CACNA2D1: variants seen among roughly 807,000 people sequenced by gnomAD.
The protein encoded by CACNA2D1 is calcium voltage-gated channel auxiliary subunit alpha2delta 1.
Under a neutral mutation model 171.5 loss-of-function variants are expected in CACNA2D1, and 53 were observed. The observed-to-expected ratio is 0.31, with a 90% CI of 0.25 to 0.39. CACNA2D1 has a LOEUF of 0.39. Ranked by LOEUF, CACNA2D1 falls within the 10% of genes least tolerant of loss-of-function variation. The probability of loss-of-function intolerance (pLI) is 1.00; values close to 1 mark genes in which losing one functional copy is unlikely to be tolerated. For synonymous variants in CACNA2D1, 442 were observed against 443.1 expected, an observed-to-expected ratio of 1.00 and a Z score of 0.03; for missense variants, 903 against 1,299.8, an observed-to-expected ratio of 0.69 and a Z score of 4.69.
At chr7:82,401,112 T>C (rs1269238269) in intron 1 of CACNA2D1, among the ~76,000 whole-genome samples, 1 of 152,168 alleles carries the variant, frequency 6.6e-6, no homozygotes, top group African/African-American at 2.4e-5. Flanking sequence ...TTGGTGGGAC[T>C]GTAAACTAGT....
chr7:82,250,732 A>C (rs898691174), intron 3 of CACNA2D1, among the ~76,000 whole-genome samples: 1 of 152,186 alleles, frequency 6.6e-6, no homozygotes, highest in African/African-American at 2.4e-5. Context: ...TCTTCCAAGA[A>C]ATTAAATAAT....
intron 3 of CACNA2D1, among the ~76,000 whole-genome samples, chr7:82,228,536 T>TA (rs11415340): frequency 0.33 from 49,778 of 152,044 alleles, 9,699 homozygotes; most frequent in East Asian, 0.52. Context: ...TTTTAGTTCT[T>TA]AGAGATTTCT....
chr7:82,395,152 T>C (rs1724653354), intron 1 of CACNA2D1, among the ~76,000 whole-genome samples: 1 of 152,128 alleles, frequency 6.6e-6, no homozygotes, highest in South Asian at 2.1e-4. Context: ...CAAATGCCTG[T>C]TATATGTTGA....
At chr7:82,310,721 G>C (rs1201709434) in intron 3 of CACNA2D1, among the ~76,000 whole-genome samples, 2 of 151,986 alleles carry the variant, frequency 1.3e-5, no homozygotes, top group African/African-American at 2.4e-5. Flanking sequence ...TAAATATTTG[G>C]AAAGTTTGAG....
intron 1 of CACNA2D1, among the ~76,000 whole-genome samples, chr7:82,374,016 C>T (rs1690854237): frequency 6.6e-6 from 1 of 152,230 alleles, no homozygotes; most frequent in Admixed American, 6.5e-5. Flanking sequence ...CATGGGAAGG[C>T]TTCCTTCTGT....
chr7:82,090,025 T>C (rs1324218423), intron 6 of CACNA2D1, among the ~76,000 whole-genome samples: 2 of 152,206 alleles, frequency 1.3e-5, no homozygotes, highest in African/African-American at 2.4e-5. Flanking sequence ...GTATAAAGTA[T>C]GAAATGTGAT....
chr7:82,433,207 AACG>A (rs1829855415), intron 1 of CACNA2D1, among the ~76,000 whole-genome samples: 1 of 152,036 alleles, frequency 6.6e-6, no homozygotes, highest in African/African-American at 2.4e-5. Flanking sequence ...AAAAAATTCT[AACG>A]ACATGTTATA....
rs531686037 is a variant in CACNA2D1 at position 82,411,797 on chromosome 7, A to G, written c.95+31568T>C. Among the ~76,000 whole-genome samples the G allele has an allele frequency of 2.6e-5, 4 of 152,140 alleles. No individual in the cohort carries two copies. In the East Asian group the frequency reaches 7.7e-4, roughly 29 times the overall value. On this transcript the variant is annotated intron_variant, in intron 1 of 38. Transcript: ENST00000356860. ...TTCTCGCAATAGGCATGCACAGGAC[A>G]TGTCTAAATTTGCTGAGAAGTAAAA...
At chr7:82,265,173 T>A (rs1807663714) in intron 3 of CACNA2D1, among the ~76,000 whole-genome samples, 1 of 152,188 alleles carries the variant, frequency 6.6e-6, no homozygotes, top group African/African-American at 2.4e-5. Context: ...AGGCGATACA[T>A]GGCTGAATGA....
intron 24 of CACNA2D1, among the ~76,000 whole-genome samples, chr7:81,978,316 A>T (rs1418296426): frequency 6.6e-6 from 1 of 152,212 alleles, no homozygotes; most frequent in Admixed American, 6.5e-5. Context: ...TCAGAACAGC[A>T]AAGACTTGGA....
At chr7:82,263,646 G>T (rs40634) in intron 3 of CACNA2D1, among the ~76,000 whole-genome samples, 45,659 of 151,988 alleles carry the variant, frequency 0.3, 7,464 homozygotes, top group Non-Finnish European at 0.36. Flanking sequence ...ACTTAAAAGA[G>T]ACATTAAAAT....
chr7:82,347,450 A>C (rs1819375758), intron 2 of CACNA2D1, among the ~76,000 whole-genome samples: 1 of 152,150 alleles, frequency 6.6e-6, no homozygotes, highest in Admixed American at 6.5e-5. Context: ...TGTAATTTGT[A>C]ATTTGAAGAA....
rs1303981885 is a variant in CACNA2D1 at position 82,362,220 on chromosome 7, G to C, written c.96-12571C>G. On this transcript the variant is annotated intron_variant, in intron 1 of 38. Coordinates refer to ENST00000356860, the MANE Select transcript of CACNA2D1 (RefSeq NM_000722.4). ...TCAACATTCCAAATGAATTGTTGCA[G>C]TCTCCCAATTTTTTTGTCATTATTA... 2.0e-5 allele frequency among the ~76,000 whole-genome samples: 3 copies of C among 152,144 alleles called. No homozygotes were observed. The East Asian group carries it at 5.8e-4, about 29-fold the overall frequency.
At chr7:81,997,303 G>A in intron 18 of CACNA2D1, 53 bp from the exon 19 acceptor site, 1 of 1,143,392 alleles carries the variant, frequency 8.7e-7, no homozygotes, top group Non-Finnish European at 1.3e-6. Context: ...CAATGATGCT[G>A]TGTATAAAAC....
chr7:82,089,932 A>T (rs529703436), intron 6 of CACNA2D1, among the ~76,000 whole-genome samples: 4 of 152,276 alleles, frequency 2.6e-5, no homozygotes, highest in African/African-American at 9.6e-5. Context: ...GCACCATATG[A>T]CTATTTGAAG....
chr7:82,037,853 T>TA (rs937368735), intron 11 of CACNA2D1, among the ~76,000 whole-genome samples: 2 of 152,158 alleles, frequency 1.3e-5, no homozygotes, highest in African/African-American at 2.4e-5. Context: ...AAAACATAGA[T>TA]AAAAAATATC....
chr7:82,006,545 CA>C (rs1799138756), intron 16 of CACNA2D1, among the ~76,000 whole-genome samples: 1 of 151,834 alleles, frequency 6.6e-6, no homozygotes, highest in Admixed American at 6.6e-5. Flanking sequence ...AAATAATAAG[CA>C]AAAAATTATA....
chr7:82,001,891 T>C (rs1430514002), intron 18 of CACNA2D1, among the ~76,000 whole-genome samples: 1 of 151,988 alleles, frequency 6.6e-6, no homozygotes, highest in African/African-American at 2.4e-5. Flanking sequence ...AATGTAAAAA[T>C]ATCTTCAATG....
intron 1 of CACNA2D1, among the ~76,000 whole-genome samples, chr7:82,423,952 A>C (rs922221969): frequency 6.6e-6 from 1 of 152,214 alleles, no homozygotes; most frequent in Admixed American, 6.5e-5. Flanking sequence ...GTGGAATTTA[A>C]GTAAAAGAAG....
Sources: allele counts gnomAD v4.1 joint callset (sites outside exome capture counted in the v4.1 genomes callset), GRCh38; gene constraint gnomAD v4.1.1; transcripts MANE v1.5; gene names NCBI Gene and HGNC (gene_info 2026-07-23, HGNC 2026-07-21).